Variants in CA6 observed in about 807,000 individuals in gnomAD.
The protein encoded by CA6 is carbonic anhydrase 6.
A neutral mutation model predicts 35.9 loss-of-function variants in CA6; 28 were observed. That is an observed-to-expected ratio of 0.78 (90% confidence interval 0.58 to 1.07). CA6 has a LOEUF of 1.07. Among genes scored for constraint, CA6 ranks in the 50% least tolerant of loss-of-function variants. The pLI, the probability that CA6 is intolerant of heterozygous loss-of-function variation, is 0.00. For synonymous variants in CA6, 148 were observed against 152.6 expected, an observed-to-expected ratio of 0.97 and a Z score of 0.22; for missense variants, 377 against 382.0, an observed-to-expected ratio of 0.99 and a Z score of 0.11.
chr1:8,969,139 C>T (rs139082400), intron 6 of CA6, among the ~76,000 whole-genome samples: 8,679 of 152,092 alleles, frequency 0.057, 342 homozygotes, highest in African/African-American at 0.11. Flanking sequence ...CATGGTGAAA[C>T]CCTGTCTCTA....
intron 5 of CA6, among the ~76,000 whole-genome samples, chr1:8,965,057 A>G (rs1450309981): frequency 6.6e-6 from 1 of 152,134 alleles, no homozygotes; most frequent in East Asian, 1.9e-4. Flanking sequence ...CAGTGTGGCC[A>G]ACATGGTTGA....
At chr1:8,973,747 T>TCC in intron 7 of CA6, among the ~76,000 whole-genome samples, 2 of 20,150 alleles carry the variant, frequency 9.9e-5, no homozygotes, top group African/African-American at 8.8e-4. Flanking sequence ...TTTCTTTCTT[T>TCC]CTTTCTTTCT....
At chr1:8,950,234 T>C (rs1012187970) in intron 2 of CA6, among the ~76,000 whole-genome samples, 12 of 152,020 alleles carry the variant, frequency 7.9e-5, no homozygotes, top group Non-Finnish European at 1.3e-4. Context: ...CTGCCCACCT[T>C]AGCCTCCCCA....
intron 7 of CA6, chr1:8,974,286 A>G: frequency 8.7e-7 from 1 of 1,155,734 alleles, no homozygotes; most frequent in Non-Finnish European, 1.2e-6. Flanking sequence ...CAAAAACAAG[A>G]CGATGGCCAA....
intron 2 of CA6, among the ~76,000 whole-genome samples, chr1:8,953,938 T>G (rs1452217926): frequency 6.6e-6 from 1 of 152,174 alleles, no homozygotes; most frequent in Non-Finnish European, 1.5e-5. Context: ...AAAATCAAGA[T>G]GGCCACGAGA....
At chr1:8,947,850 C>CTTTTTTTT (rs527410056) in intron 1 of CA6, among the ~76,000 whole-genome samples, 2 of 140,594 alleles carry the variant, frequency 1.4e-5, no homozygotes, top group African/African-American at 5.4e-5. Context: ...GTACAGACAC[C>CTTTTTTTT]TTTTTTTTTT....
At position 8,969,483 on chromosome 1, in the gene CA6, C is replaced by T. The variant is rs12085381; in HGVS notation, c.730-1384C>T. On this transcript the variant is annotated intron_variant, in intron 6 of 7. Transcript: ENST00000377443. ...AAGAGACATTGTGTACTGGAAAGGT[C>T]TAGTAAATGTCTAATCAAAATCCTA... is the stretch of plus-strand genomic sequence containing the variant. Among the ~76,000 whole-genome samples, 774 of 151,842 alleles carry T rather than the reference C, an allele frequency of 5.1e-3. 3 individuals are homozygous for T. Among genetic ancestry groups the T allele is most frequent in the African/African-American group, 0.018 (739 of 41,380 alleles).
intron 2 of CA6, 97 bp from the exon 3 acceptor site, chr1:8,957,040 C>CA (rs1639703824): frequency 8.8e-7 from 1 of 1,137,712 alleles, no homozygotes; most frequent in African/African-American, 1.6e-5. Flanking sequence ...GCCCTGGGCT[C>CA]AGACAGGTGG....
intron 3 of CA6, 54 bp from the exon 4 acceptor site, chr1:8,958,856 A>G: frequency 1.1e-6 from 1 of 952,262 alleles, no homozygotes; most frequent in Non-Finnish European, 1.7e-6. Context: ...TGGAAATCTT[A>G]AGCATTTGAA....
At chr1:8,973,706 C>CTCTCTCTT (rs1197744750) in intron 7 of CA6, among the ~76,000 whole-genome samples, 1 of 113,432 alleles carries the variant, frequency 8.8e-6, no homozygotes, top group South Asian at 3.1e-4. Context: ...ATTTTTCTTT[C>CTCTCTCTT]TCTCTCTTTC....
chr1:8,958,879 G>GCC, intron 3 of CA6, 31 bp from the exon 4 acceptor site: 1 of 1,189,024 alleles, frequency 8.4e-7, no homozygotes, highest in Middle Eastern at 1.9e-4. Flanking sequence ...TCTATGAACT[G>GCC]CCCTTGACCC....
intron 5 of CA6, among the ~76,000 whole-genome samples, chr1:8,966,987 A>T (rs1324074895): frequency 6.3e-5 from 3 of 47,438 alleles, no homozygotes; most frequent in Non-Finnish European, 8.6e-5. Context: ...AAAAAATAAT[A>T]AAAAAAACAA....
At chr1:8,970,336 G>C (rs571410010) in intron 6 of CA6, among the ~76,000 whole-genome samples, 2 of 151,664 alleles carry the variant, frequency 1.3e-5, no homozygotes, top group South Asian at 4.1e-4. Context: ...CATATAAAAA[G>C]CTGAAAAGAG....
intron 4 of CA6, among the ~76,000 whole-genome samples, chr1:8,960,606 C>G (rs1049441675): frequency 1.3e-5 from 2 of 151,670 alleles, no homozygotes; most frequent in East Asian, 1.9e-4. Context: ...CAAAGCAGAT[C>G]TGAGGCAGCA....
chr1:8,951,581 G>A (rs539696876), intron 2 of CA6: 30 of 765,176 alleles, frequency 3.9e-5, no homozygotes, highest in Non-Finnish European at 6.2e-5. Flanking sequence ...TGCTGAGTGC[G>A]GGCTTCGTGC....
At chr1:8,969,892 C>G (rs1188406214) in intron 6 of CA6, among the ~76,000 whole-genome samples, 4 of 152,026 alleles carry the variant, frequency 2.6e-5, no homozygotes, top group South Asian at 2.1e-4. Flanking sequence ...AGCAAAGATG[C>G]CTTTCAAGGA....
chr1:8,950,844 C>T (rs1044955513), intron 2 of CA6, among the ~76,000 whole-genome samples: 28 of 151,326 alleles, frequency 1.9e-4, no homozygotes, highest in African/African-American at 6.6e-4. Flanking sequence ...CCACCCTGGG[C>T]AACAGAGCGA....
intron 1 of CA6, among the ~76,000 whole-genome samples, chr1:8,947,397 G>A (rs1387220423): frequency 6.6e-6 from 1 of 152,098 alleles, no homozygotes; most frequent in African/African-American, 2.4e-5. Context: ...TTCCTTCAGG[G>A]TGAACGGGAT....
chr1:8,974,717 G>A lies in CA6; in HGVS notation c.*13G>A. 1 of 1,553,002 alleles carries A rather than the reference G, an allele frequency of 6.4e-7. No individual in the cohort carries two copies. Among genetic ancestry groups the A allele is most frequent in the Non-Finnish European group, 8.8e-7 (1 of 1,137,954 alleles). On this transcript the variant is annotated 3_prime_UTR_variant, in exon 8 of 8. Transcript: ENST00000377443. ...AGCATTGAACTGAGGAAAGCTAAGA[G>A]GAAGATTCAATATTAACTAGCTTGA...
Sources: gnomAD v4.1 joint callset for allele counts (sites outside exome capture counted in the v4.1 genomes callset) on GRCh38, gnomAD v4.1.1 for gene constraint, MANE v1.5 for transcripts, NCBI Gene and HGNC (gene_info 2026-07-23, HGNC 2026-07-21) for gene names.